The following MAPKAPK5 variants were observed in gnomAD, a reference collection of about 807,000 sequenced individuals.
The protein encoded by MAPKAPK5 is MAPK activated protein kinase 5, also known as MAP kinase-activated protein kinase 5.
MAPKAPK5 carries 30 observed loss-of-function variants against 65.1 expected under a neutral mutation model. The ratio of observed to expected loss-of-function variants is 0.46; its 90% CI spans 0.34 to 0.63. MAPKAPK5 has a LOEUF of 0.63. MAPKAPK5 is among the 20% of genes least tolerant of loss of function. MAPKAPK5 has a pLI of 0.01. For synonymous variants in MAPKAPK5, 179 were observed against 204.6 expected, an observed-to-expected ratio of 0.87 and a Z score of 1.07; for missense variants, 433 against 581.4, an observed-to-expected ratio of 0.74 and a Z score of 2.63.
chr12:111,862,166 G>T (rs2069462009), intron 1 of MAPKAPK5, among the ~76,000 whole-genome samples: 1 of 151,698 alleles, frequency 6.6e-6, no homozygotes, highest in African/African-American at 2.4e-5. Context: ...AACTTTTTTG[G>T]CCCAGTTGGG....
intron 11 of MAPKAPK5, 110 bp from the exon 12 acceptor site, chr12:111,888,775 T>C (rs2070500151): frequency 1.3e-6 from 2 of 1,515,666 alleles, no homozygotes; most frequent in Admixed American, 2.1e-5. Context: ...AGTTGGACAC[T>C]ATTGTTATTT....
intron 7 of MAPKAPK5, among the ~76,000 whole-genome samples, chr12:111,879,530 C>G (rs1212975548): frequency 6.6e-6 from 1 of 151,696 alleles, no homozygotes; most frequent in African/African-American, 2.4e-5. Flanking sequence ...GTTGGGATTA[C>G]AGGCGCCCAC....
intron 8 of MAPKAPK5, chr12:111,882,701 C>A: frequency 1.7e-6 from 1 of 586,414 alleles, no homozygotes; most frequent in Non-Finnish European, 2.1e-6. Context: ...CAGTATCTTC[C>A]CCCAGAATGG....
In MAPKAPK5 at chr12:111,880,506, G is replaced by A. The variant is rs751766543; in HGVS notation, c.639G>A (p.Pro213=). The stretch of plus-strand genomic sequence containing the variant: ...AATCTGGCATCATACCTACCTCACC[G>A]ACGCCCTACACTTACAACAAGGTAC... The part of the protein sequence containing the change: ...KEKSGIIPTS[P]TPYTYNKSCD... The change falls in exon 8 of 14, where the codon CCG becomes CCA. Residue 213 remains proline (P), a synonymous_variant. Transcript: ENST00000550735. The A allele has an allele frequency of 8.7e-6, 14 of 1,612,530 alleles. No homozygotes were observed. The highest frequency in any genetic ancestry group is 3.3e-5 in the South Asian group (3 of 91,014).
Position 111,901,962 on chromosome 12 carries a change from G to A in MAPKAPK5, c.*8901G>A, listed in dbSNP as rs2071081612. 6.6e-6 allele frequency: 1 copy of A among 152,532 alleles called. No homozygotes were observed. Among genetic ancestry groups the A allele is most frequent in the Non-Finnish European group, 1.5e-5 (1 of 68,400 alleles). 9.4% of individuals were successfully genotyped at this position (152,532 alleles called of 1,614,324 possible). A position where few individuals can be genotyped will look rare whatever the true frequency, so the allele number is the denominator to read the frequency against. ...TTAACATGCATCTTTGGACATCAAT[G>A]TCCTTGTCTTTTTGGCCCAATTGTT... On this transcript the variant is annotated 3_prime_UTR_variant, in exon 14 of 14. Coordinates refer to ENST00000550735, the MANE Select transcript of MAPKAPK5 (RefSeq NM_003668.4).
chr12:111,880,624 C>A, intron 8 of MAPKAPK5, 97 bp downstream of exon 8: 2 of 1,021,206 alleles, frequency 2.0e-6, no homozygotes. Flanking sequence ...ATTCCTTTCT[C>A]ACCCCTTAAT....
At chr12:111,888,828 C>T in intron 11 of MAPKAPK5, 57 bp from the exon 12 acceptor site, 1 of 1,598,728 alleles carries the variant, frequency 6.3e-7, no homozygotes, top group Non-Finnish European at 8.5e-7. Flanking sequence ...TAATATCTGT[C>T]CAGAGTTGGT....
chr12:111,855,674 A>G (rs1472081762), intron 1 of MAPKAPK5, among the ~76,000 whole-genome samples: 1 of 151,708 alleles, frequency 6.6e-6, no homozygotes, highest in African/African-American at 2.4e-5. Flanking sequence ...TAAAATTACA[A>G]AAATTAGCTG....
At chr12:111,868,072 C>A (rs1316906420) in intron 4 of MAPKAPK5, among the ~76,000 whole-genome samples, 2 of 152,202 alleles carry the variant, frequency 1.3e-5, no homozygotes, top group African/African-American at 4.8e-5. Flanking sequence ...TAGGCAGAGT[C>A]TTAGAGGCTG....
Position 111,894,318 on chromosome 12 carries a change from C to G in MAPKAPK5, c.*1257C>G, listed in dbSNP as rs2070723669. 1 of 152,450 alleles carries G rather than the reference C, an allele frequency of 6.6e-6. No individual in the cohort carries two copies. The highest frequency in any genetic ancestry group is 2.4e-5 in the African/African-American group (1 of 41,450). 9.4% of individuals were successfully genotyped at this position (152,450 alleles called of 1,614,324 possible). A position where few individuals can be genotyped will look rare whatever the true frequency, so the allele number is the denominator to read the frequency against. ...AAGTACTGGGATTACAGGCATGAGCCACCAAGCCTGGCCTATTCTTTATAT... is the reference window on the plus strand; with the variant it reads ...AAGTACTGGGATTACAGGCATGAGCGACCAAGCCTGGCCTATTCTTTATAT... On this transcript the variant is annotated 3_prime_UTR_variant, in exon 14 of 14. Transcript: ENST00000550735.
At chr12:111,851,612 T>C (rs1409067894) in intron 1 of MAPKAPK5, among the ~76,000 whole-genome samples, 1 of 152,190 alleles carries the variant, frequency 6.6e-6, no homozygotes, top group African/African-American at 2.4e-5. Context: ...AGGCTTCAGC[T>C]GCCGCACCTG....
At chr12:111,843,901 C>T (rs1340535200) in intron 1 of MAPKAPK5, among the ~76,000 whole-genome samples, 1 of 152,162 alleles carries the variant, frequency 6.6e-6, no homozygotes, top group Non-Finnish European at 1.5e-5. Flanking sequence ...CAAGTTCCGC[C>T]TCCTGGGTTC....
chr12:111,880,536 A>G lies in MAPKAPK5; in HGVS notation c.660+9A>G, dbSNP rs755954316. On this transcript the variant is annotated intron_variant, in intron 8 of 13. Transcript: ENST00000550735. Reference sequence around the variant, plus strand: ...CCTACACTTACAACAAGGTACAGGAAGAGATATTTCTCTTCATTTGACAGA... The same window carrying G: ...CCTACACTTACAACAAGGTACAGGAGGAGATATTTCTCTTCATTTGACAGA... 32 of 1,612,544 alleles carry G rather than the reference A, an allele frequency of 2.0e-5. No individual in the cohort carries two copies. The South Asian group carries it at 3.2e-4, about 16-fold the overall frequency.
At position 111,899,106 on chromosome 12, in the gene MAPKAPK5, T is replaced by C. The variant is rs2070930688; in HGVS notation, c.*6045T>C. 1 of 152,260 alleles carries C rather than the reference T, an allele frequency of 6.6e-6. No homozygotes were observed. The highest frequency in any genetic ancestry group is 1.9e-4 in the East Asian group (1 of 5,208). The allele number at this position is 152,260 out of a possible 1,614,324, so 9.4% of individuals were successfully genotyped here. A position where few individuals can be genotyped will look rare whatever the true frequency, so the allele number is the denominator to read the frequency against. ...AGAGAAGCAGGAAGAGAAACACGGC[T>C]TGAAGTTCTGTAAGAATCAGAGTTG... On this transcript the variant is annotated 3_prime_UTR_variant, in exon 14 of 14. Transcript: ENST00000550735.
chr12:111,856,200 T>C (rs1379168056), intron 1 of MAPKAPK5, among the ~76,000 whole-genome samples: 2 of 152,126 alleles, frequency 1.3e-5, no homozygotes, highest in Non-Finnish European at 1.5e-5. Context: ...AACTTTCCCT[T>C]CTGTTCATTT....
intron 1 of MAPKAPK5, among the ~76,000 whole-genome samples, chr12:111,858,363 C>A (rs2069314126): frequency 6.6e-6 from 1 of 152,094 alleles, no homozygotes; most frequent in Non-Finnish European, 1.5e-5. Context: ...CCCACCTCCC[C>A]CATCTTCACC....
chr12:111,889,767 A>G (rs964833866), intron 12 of MAPKAPK5: 1 of 336,304 alleles, frequency 3.0e-6, no homozygotes, highest in East Asian at 5.8e-5. Flanking sequence ...TTGTTCAGCA[A>G]TAGAGTCTGC....
intron 7 of MAPKAPK5, among the ~76,000 whole-genome samples, chr12:111,873,436 C>T (rs796554484): frequency 2.0e-5 from 3 of 152,026 alleles, no homozygotes; most frequent in Non-Finnish European, 2.9e-5. Flanking sequence ...CTCTGCCTCC[C>T]GGGTTCAAGG....
intron 12 of MAPKAPK5, chr12:111,889,335 A>C: frequency 3.9e-6 from 1 of 254,424 alleles, no homozygotes; most frequent in South Asian, 6.2e-5. Context: ...GAGAATGGAA[A>C]ATGTGGGTAG....
Sources: allele counts gnomAD v4.1 joint callset (sites outside exome capture counted in the v4.1 genomes callset), GRCh38; gene constraint gnomAD v4.1.1; transcripts MANE v1.5; gene names NCBI Gene and HGNC (gene_info 2026-07-23, HGNC 2026-07-21).